Variants in DPP10 observed in about 807,000 individuals in gnomAD.
The protein encoded by DPP10 is dipeptidyl peptidase like 10, also known as inactive dipeptidyl peptidase 10.
A neutral mutation model predicts 120.9 loss-of-function variants in DPP10; 33 were observed. The ratio of observed to expected loss-of-function variants is 0.27; its 90% CI spans 0.21 to 0.37. The LOEUF (loss-of-function observed/expected upper bound fraction) is 0.37. DPP10 is among the 10% of genes least tolerant of loss of function. DPP10 has a pLI of 1.00. For missense variants in DPP10, 816 were observed against 942.8 expected (o/e 0.87, Z 1.76); for synonymous variants, 337 against 326.1 (o/e 1.03, Z -0.36).
intron 1 of DPP10, among the ~76,000 whole-genome samples, chr2:114,793,886 A>G (rs1035608515): frequency 1.3e-5 from 2 of 152,162 alleles, no homozygotes; most frequent in African/African-American, 4.8e-5. Context: ...TAGTGCTTCA[A>G]GTGGGTATAT....
intron 1 of DPP10, among the ~76,000 whole-genome samples, chr2:114,529,109 G>A (rs1039723378): frequency 6.6e-6 from 1 of 152,040 alleles, no homozygotes; most frequent in Non-Finnish European, 1.5e-5. Flanking sequence ...TCTTCTGGTT[G>A]CTACTGCCCC....
In DPP10 at chr2:114,865,785, G is replaced by T. The variant is rs149857574; in HGVS notation, c.60+422947G>T. ...CAGGGTAAAGCCAATCTTGATGTCTGCCCAATTTAATAAACAAAACCTCTT... is the reference window on the plus strand; with the variant it reads ...CAGGGTAAAGCCAATCTTGATGTCTTCCCAATTTAATAAACAAAACCTCTT... On this transcript the variant is annotated intron_variant, in intron 1 of 25. Coordinates refer to ENST00000410059, the MANE Select transcript of DPP10 (RefSeq NM_020868.6). Among the ~76,000 whole-genome samples, 28 of 152,182 alleles carry T rather than the reference G, an allele frequency of 1.8e-4. No homozygotes were observed. The East Asian group carries it at 5.2e-3, about 28-fold the overall frequency.
chr2:115,603,570 G>GTTTTTTTTTTTTTTTTTTTTTTTTTTT (rs61548055), intron 5 of DPP10, among the ~76,000 whole-genome samples: 1 of 99,286 alleles, frequency 1.0e-5, no homozygotes, highest in Non-Finnish European at 2.2e-5. Flanking sequence ...GTTTTTTTTT[G>GTTTTTTTTTTTTTTTTTTTTTTTTTTT]TTTTTTTTTT....
intron 3 of DPP10, among the ~76,000 whole-genome samples, chr2:115,393,333 G>A (rs1023153735): frequency 6.6e-6 from 1 of 151,808 alleles, no homozygotes; most frequent in Non-Finnish European, 1.5e-5. Flanking sequence ...AAATCTATAT[G>A]TGAATAGATA....
chr2:115,401,720 C>T (rs2068086442), intron 3 of DPP10, among the ~76,000 whole-genome samples: 1 of 152,106 alleles, frequency 6.6e-6, no homozygotes, highest in South Asian at 2.1e-4. Flanking sequence ...TTTTAACACA[C>T]ATACACAGAA....
Position 114,605,092 on chromosome 2 carries a change from A to C in DPP10, c.60+162254A>C, listed in dbSNP as rs547862269. Among the ~76,000 whole-genome samples, 11 of 152,234 alleles carry C rather than the reference A, an allele frequency of 7.2e-5. No individual in the cohort carries two copies. In the South Asian group the frequency reaches 2.1e-3, roughly 29 times the overall value. ...AATACAGAAAGGCCTTGCTTTTCTG[A>C]CTTTCTGTAGTAGTAGCAAACCCAG... On this transcript the variant is annotated intron_variant, in intron 1 of 25. Coordinates refer to ENST00000410059, the MANE Select transcript of DPP10 (RefSeq NM_020868.6).
chr2:115,164,736 A>C (rs2052702708), intron 1 of DPP10, among the ~76,000 whole-genome samples: 1 of 152,224 alleles, frequency 6.6e-6, no homozygotes, highest in Non-Finnish European at 1.5e-5. Context: ...ATTTGGTTAC[A>C]GTTACAGTCC....
intron 1 of DPP10, among the ~76,000 whole-genome samples, chr2:114,897,271 C>A (rs1574441009): frequency 6.6e-6 from 1 of 152,104 alleles, no homozygotes. Context: ...AGGGAGGATT[C>A]CCTCTTTTTC....
chr2:114,885,291 C>T (rs1050020596), intron 1 of DPP10, among the ~76,000 whole-genome samples: 5 of 151,944 alleles, frequency 3.3e-5, no homozygotes, highest in Admixed American at 6.6e-5. Context: ...GCGCAGGTGC[C>T]GCAAACTTTT....
At chr2:115,475,686 G>T (rs1386517783) in intron 3 of DPP10, among the ~76,000 whole-genome samples, 2 of 152,190 alleles carry the variant, frequency 1.3e-5, no homozygotes, top group Non-Finnish European at 2.9e-5. Context: ...GAGAACAGTT[G>T]TGGGGGCTAA....
chr2:115,497,401 A>C (rs1212063001), intron 3 of DPP10, among the ~76,000 whole-genome samples: 2 of 152,126 alleles, frequency 1.3e-5, no homozygotes, highest in Admixed American at 6.6e-5. Flanking sequence ...AGATGGAGTC[A>C]GCCATGTTAG....
At chr2:115,430,251 C>T (rs1427317880) in intron 3 of DPP10, among the ~76,000 whole-genome samples, 7 of 152,094 alleles carry the variant, frequency 4.6e-5, no homozygotes, top group South Asian at 2.1e-4. Context: ...GGTCAGTGCT[C>T]AAATATTGGA....
intron 1 of DPP10, among the ~76,000 whole-genome samples, chr2:115,019,060 C>G (rs901096350): frequency 6.6e-6 from 1 of 151,468 alleles, no homozygotes; most frequent in South Asian, 2.1e-4. Flanking sequence ...TGCCACCCCT[C>G]CCCCACCATT....
chr2:115,459,043 C>T (rs1214027853), intron 3 of DPP10, among the ~76,000 whole-genome samples: 1 of 152,008 alleles, frequency 6.6e-6, no homozygotes, highest in Non-Finnish European at 1.5e-5. Context: ...TCAACAATTG[C>T]CACTGCAAAC....
chr2:115,687,511 A>ATAGATAGATAGATAGATAGG (rs1553480045), intron 5 of DPP10, among the ~76,000 whole-genome samples: 34 of 152,044 alleles, frequency 2.2e-4, no homozygotes, highest in African/African-American at 7.9e-4. Context: ...AGATAGATAG[A>ATAGATAGATAGATAGATAGG]TAGATAGATA....
chr2:115,254,736 G>GC (rs112846471), intron 1 of DPP10, among the ~76,000 whole-genome samples: 245 of 152,244 alleles, frequency 1.6e-3, no homozygotes, highest in African/African-American at 5.7e-3. Context: ...CAGGCCCCAC[G>GC]CAAGTCTGAA....
intron 1 of DPP10, among the ~76,000 whole-genome samples, chr2:114,553,408 AAAGTTG>A (rs1159712977): frequency 2.0e-5 from 3 of 152,200 alleles, no homozygotes; most frequent in African/African-American, 7.2e-5. Flanking sequence ...GGTAGGTGGG[AAAGTTG>A]AAGATGATAG....
intron 1 of DPP10, among the ~76,000 whole-genome samples, chr2:114,506,707 C>T (rs568259746): frequency 6.6e-6 from 1 of 152,310 alleles, no homozygotes; most frequent in East Asian, 1.9e-4. Flanking sequence ...CCCCCTCCCA[C>T]AAAAGGTGGA....
intron 5 of DPP10, among the ~76,000 whole-genome samples, chr2:115,625,803 A>G (rs1055324798): frequency 1.3e-5 from 2 of 152,200 alleles, no homozygotes; most frequent in Non-Finnish European, 2.9e-5. Context: ...ATAACCACTG[A>G]GTAGAATAGT....
Sources: gnomAD v4.1 joint callset for allele counts (sites outside exome capture counted in the v4.1 genomes callset) on GRCh38, gnomAD v4.1.1 for gene constraint, MANE v1.5 for transcripts, NCBI Gene and HGNC (gene_info 2026-07-23, HGNC 2026-07-21) for gene names.